KIF3B: variants seen among roughly 807,000 people sequenced by gnomAD.
KIF3B encodes the protein kinesin-like protein KIF3B.
Under a neutral mutation model 74.3 loss-of-function variants are expected in KIF3B, and 38 were observed. The observed-to-expected ratio is 0.51, with a 90% confidence interval of 0.39 to 0.67. The LOEUF is 0.67. KIF3B is among the 30% of genes least tolerant of loss of function. KIF3B has a pLI of 0.00. For missense variants in KIF3B, 649 were observed against 932.0 expected, an observed-to-expected ratio of 0.70 and a Z score of 3.95; for synonymous variants, 326 against 342.5, an observed-to-expected ratio of 0.95 and a Z score of 0.53.
At chr20:32,287,856 G>C (rs1473134253) in intron 1 of KIF3B, among the ~76,000 whole-genome samples, 2 of 144,732 alleles carry the variant, frequency 1.4e-5, no homozygotes, top group Non-Finnish European at 3.0e-5. Flanking sequence ...CCCTTCTTAG[G>C]ATCCTCTAAA....
intron 1 of KIF3B, among the ~76,000 whole-genome samples, chr20:32,302,346 A>C (rs900738019): frequency 6.6e-6 from 1 of 152,198 alleles, no homozygotes; most frequent in Non-Finnish European, 1.5e-5. Flanking sequence ...AGAGTTGAGG[A>C]GATTTAATTA....
chr20:32,312,986 C>G (rs1349953946), intron 2 of KIF3B, among the ~76,000 whole-genome samples: 1 of 152,152 alleles, frequency 6.6e-6, no homozygotes, highest in Non-Finnish European at 1.5e-5. Flanking sequence ...TTTCAGTATG[C>G]AGTACCCTGA....
chr20:32,286,719 C>A (rs6087863), intron 1 of KIF3B, among the ~76,000 whole-genome samples: 2 of 152,020 alleles, frequency 1.3e-5, no homozygotes, highest in Non-Finnish European at 2.9e-5. Flanking sequence ...AAATGTATTC[C>A]TAAATACATT....
In KIF3B at chr20:32,326,818, T is replaced by C. The variant is rs1400548449; in HGVS notation, c.1796T>C (p.Ile599Thr). The C allele has an allele frequency of 6.3e-7, 1 of 1,593,174 alleles. No individual in the cohort carries two copies. Among genetic ancestry groups the C allele is most frequent in the East Asian group, 2.2e-5 (1 of 44,724 alleles). The change falls in exon 6 of 9, where the codon ATT (isoleucine) becomes ACT (threonine). Residue 599 changes from isoleucine to threonine, a missense_variant. Physicochemically the swap from Ile to Thr is moderately conservative, Grantham distance 89 (BLOSUM62 -1). Around this residue, in one of 4 missense-constraint regions of KIF3B, gnomAD observed 186 missense variants for 198.5 expected, o/e 0.94. Transcript: ENST00000375712. Reference protein sequence around the residue: ...NFIPLEEKSKIMNRAFFDEEE... With the variant: ...NFIPLEEKSKTMNRAFFDEEE... The stretch of plus-strand genomic sequence containing the variant: ...ATCCCTCTGGAAGAAAAAAGTAAAA[T>C]TATGAATAGAGCCTTCTTTGATGAA...
Position 32,277,704 on chromosome 20 carries a change from C to A in KIF3B, c.-127C>A. 3.8e-6 allele frequency: 1 copy of A among 266,206 alleles called. No homozygotes were observed. The highest frequency in any genetic ancestry group is 8.5e-5 in the East Asian group (1 of 11,752). The allele number at this position is 266,206 out of a possible 1,614,324, so 16.5% of individuals were successfully genotyped here. ...GAATGGCTGAGCCAGGGGTTCGCCGCCCCCGCCGCCGCCGCCGCCGCCGCC... is the reference window on the plus strand; with the variant it reads ...GAATGGCTGAGCCAGGGGTTCGCCGACCCCGCCGCCGCCGCCGCCGCCGCC... On this transcript the variant is annotated 5_prime_UTR_variant, in exon 1 of 9. Coordinates refer to ENST00000375712, the MANE Select transcript of KIF3B (RefSeq NM_004798.4).
At chr20:32,326,269 T>C (rs944535083) in intron 5 of KIF3B, among the ~76,000 whole-genome samples, 3 of 152,232 alleles carry the variant, frequency 2.0e-5, no homozygotes, top group African/African-American at 7.2e-5. Context: ...GTCCTGCTTT[T>C]TATCCTGGTC....
intron 1 of KIF3B, among the ~76,000 whole-genome samples, chr20:32,299,037 C>T (rs916611988): frequency 1.3e-5 from 2 of 152,134 alleles, no homozygotes; most frequent in Admixed American, 6.6e-5. Flanking sequence ...AATTCCTAAT[C>T]GTAACTGTCA....
chr20:32,300,074 C>CTGTTT (rs59811144), intron 1 of KIF3B, among the ~76,000 whole-genome samples: 3,863 of 149,566 alleles, frequency 0.026, 80 homozygotes, highest in South Asian at 0.049. Flanking sequence ...CCACACTGGC[C>CTGTTT]TGTTTTGTTT....
Position 32,309,716 on chromosome 20 carries a change from C to G in KIF3B, c.-62C>G, listed in dbSNP as rs930766446. On this transcript the variant is annotated 5_prime_UTR_variant, in exon 2 of 9. Transcript: ENST00000375712. The stretch of plus-strand genomic sequence containing the variant: ...TTTACTTTTGCTTTTTCTCTAGGAC[C>G]GTAGCATCCTGAGACATTTTGAATT... 6 of 1,551,686 alleles carry G rather than the reference C, an allele frequency of 3.9e-6. No individual in the cohort carries two copies. The highest frequency in any genetic ancestry group is 5.2e-6 in the Non-Finnish European group (6 of 1,148,206).
At chr20:32,325,516 A>T (rs1407824437) in intron 5 of KIF3B, among the ~76,000 whole-genome samples, 1 of 152,116 alleles carries the variant, frequency 6.6e-6, no homozygotes, top group African/African-American at 2.4e-5. Context: ...TAATGAATAA[A>T]TAGAATCATT....
rs114652248 is a variant in KIF3B at position 32,312,772 on chromosome 20, G to A, written c.1404+1591G>A. 1.5e-3 allele frequency among the ~76,000 whole-genome samples: 231 copies of A among 152,278 alleles called. 2 individuals carry two copies. The highest frequency in any genetic ancestry group is 5.1e-3 in the African/African-American group (212 of 41,574). ...TGCTTGGCTTCAGGAGAACATGGAC[G>A]TGCAAGATTGTCTTGTTTGGCACTG... On this transcript the variant is annotated intron_variant, in intron 2 of 8. Transcript: ENST00000375712.
intron 5 of KIF3B, among the ~76,000 whole-genome samples, chr20:32,322,927 TAC>T (rs2047876550): frequency 1.7e-5 from 1 of 58,526 alleles, no homozygotes; most frequent in Admixed American, 3.2e-4. Context: ...TATTTATATA[TAC>T]ATATTTATAT....
chr20:32,319,038 G>A (rs1040822004), intron 5 of KIF3B, among the ~76,000 whole-genome samples: 24 of 151,114 alleles, frequency 1.6e-4, no homozygotes, highest in African/African-American at 5.4e-4. Context: ...TCAGCACACT[G>A]CAACCTCCAC....
At chr20:32,285,656 A>G (rs933436545) in intron 1 of KIF3B, among the ~76,000 whole-genome samples, 7 of 152,180 alleles carry the variant, frequency 4.6e-5, no homozygotes, top group Non-Finnish European at 2.9e-5. Context: ...TGTCTTGCGC[A>G]TACATATATA....
chr20:32,282,382 G>A (rs1203539149), intron 1 of KIF3B, among the ~76,000 whole-genome samples: 1 of 152,106 alleles, frequency 6.6e-6, no homozygotes, highest in Admixed American at 6.6e-5. Flanking sequence ...TTTTGGTAAG[G>A]GGCCCTATGA....
At chr20:32,317,607 A>G (rs1397263194) in intron 5 of KIF3B, among the ~76,000 whole-genome samples, 6 of 151,406 alleles carry the variant, frequency 4.0e-5, no homozygotes, top group Non-Finnish European at 8.8e-5. Context: ...TCTCACTCCT[A>G]CATACTTATA....
rs1394877314 is a variant in KIF3B, at chr20:32,323,154, A to G, written c.1749-3617A>G. ...TATATTTACATATATTTATATATTT[A>G]TATTTATATATTTATATTTATATAT... On this transcript the variant is annotated intron_variant, in intron 5 of 8. Transcript: ENST00000375712. Among the ~76,000 whole-genome samples the G allele has an allele frequency of 3.2e-4, 38 of 118,352 alleles. 1 individual carries two copies. Among genetic ancestry groups the G allele is most frequent in the Admixed American group, 3.2e-3 (27 of 8,478 alleles). The allele number at this position is 118,352 out of a possible 152,430, so 77.6% of individuals were successfully genotyped here. A position where few individuals can be genotyped will look rare whatever the true frequency, so the allele number is the denominator to read the frequency against.
In KIF3B at chr20:32,316,534, G is replaced by A. The variant is rs750666937; in HGVS notation, c.1514G>A (p.Arg505Gln). 1.9e-5 allele frequency: 30 copies of A among 1,613,922 alleles called. No homozygotes were observed. Among genetic ancestry groups the A allele is most frequent in the Non-Finnish European group, 2.4e-5 (28 of 1,179,946 alleles). The change falls in exon 4 of 9, where the codon CGA (arginine) becomes CAA (glutamine). Residue 505 changes from arginine to glutamine, a missense_variant. This residue lies in a region of KIF3B where 363 missense variants were observed against 592.8 expected (regional missense o/e 0.61). Transcript: ENST00000375712. Reference protein sequence around the residue: ...KRQEIAEQKRREREIQQQMES... With the variant: ...KRQEIAEQKRQEREIQQQMES... ...TTTTGTCATGTTGCTCAGAAACGTCGAGAAAGAGAAATCCAGCAACAGATG... is the reference window on the plus strand; with the variant it reads ...TTTTGTCATGTTGCTCAGAAACGTCAAGAAAGAGAAATCCAGCAACAGATG...
chr20:32,303,809 T>A lies in KIF3B; in HGVS notation c.-65-5904T>A, dbSNP rs936846716. On this transcript the variant is annotated intron_variant, in intron 1 of 8. Coordinates refer to ENST00000375712, the MANE Select transcript of KIF3B (RefSeq NM_004798.4). ...GGCAGAGGTTGCAGTGAGCCAAGAT[T>A]GTGCCATTGCACTCCAGCCTGGGTC... is the stretch of plus-strand genomic sequence containing the variant. Among the ~76,000 whole-genome samples the A allele has an allele frequency of 2.8e-4, 41 of 148,718 alleles. 1 individual carries two copies. The highest frequency in any genetic ancestry group is 9.9e-4 in the African/African-American group (40 of 40,210).
Sources: gnomAD v4.1 joint callset for allele counts (sites outside exome capture counted in the v4.1 genomes callset) on GRCh38, gnomAD v4.1.1 for gene constraint, gnomAD v4.1.1 regional missense constraint, MANE v1.5 for transcripts, NCBI Gene and HGNC (gene_info 2026-07-23, HGNC 2026-07-21) for gene names.